NPFFR2: variants seen among roughly 807,000 people sequenced by gnomAD.
NPFFR2 encodes the protein G-protein coupled receptor 74.
NPFFR2 carries 15 observed loss-of-function variants against 13.1 expected under a neutral mutation model. That is an observed-to-expected ratio of 1.15 (90% confidence interval 0.77 to 1.76). NPFFR2 has a LOEUF of 1.76. Ranked by LOEUF, NPFFR2 falls within the 40% of genes most tolerant of loss-of-function variation. NPFFR2 has a pLI of 0.00. For missense variants in NPFFR2, 572 were observed against 503.5 expected (o/e 1.14, Z -1.30); for synonymous variants, 190 against 175.7 (o/e 1.08, Z -0.65).
chr4:72,122,975 T>G (rs191057750), intron 1 of NPFFR2, among the ~76,000 whole-genome samples: 1 of 152,194 alleles, frequency 6.6e-6, no homozygotes, highest in African/African-American at 2.4e-5. Flanking sequence ...CTGGTTTTTT[T>G]GAAAAGATTA....
At chr4:72,124,731 C>G in intron 1 of NPFFR2, among the ~76,000 whole-genome samples, 1 of 152,122 alleles carries the variant, frequency 6.6e-6, no homozygotes, top group East Asian at 1.9e-4. Context: ...ATGTAGAAGG[C>G]TGAAACTGGA....
chr4:72,042,652 T>C lies in NPFFR2; in HGVS notation c.-8+10452T>C, dbSNP rs149759550. On this transcript the variant is annotated intron_variant, in intron 1 of 3. Coordinates refer to ENST00000308744, the MANE Select transcript of NPFFR2 (RefSeq NM_004885.3). ...AACTGGAGCAAAGGTAACTCTTGTATGCTTTAGCAAAGAGTCTGGAGGCAT... is the reference window on the plus strand; with the variant it reads ...AACTGGAGCAAAGGTAACTCTTGTACGCTTTAGCAAAGAGTCTGGAGGCAT... Among the ~76,000 whole-genome samples the C allele has an allele frequency of 5.8e-3, 888 of 152,270 alleles. 5 individuals carry two copies. Among genetic ancestry groups the C allele is most frequent in the African/African-American group, 0.021 (853 of 41,538 alleles).
intron 1 of NPFFR2, among the ~76,000 whole-genome samples, chr4:72,059,933 T>A (rs1315911418): frequency 6.6e-6 from 1 of 152,098 alleles, no homozygotes; most frequent in Admixed American, 6.6e-5. Flanking sequence ...CCTGGTTATT[T>A]TTCCCCCCAG....
chr4:72,068,613 C>T (rs2109781368), intron 1 of NPFFR2, among the ~76,000 whole-genome samples: 1 of 152,216 alleles, frequency 6.6e-6, no homozygotes, highest in East Asian at 1.9e-4. Context: ...CAGACAGTGG[C>T]ATGTCATAGG....
chr4:72,135,624 C>T (rs146876577), intron 2 of NPFFR2, among the ~76,000 whole-genome samples: 5 of 152,078 alleles, frequency 3.3e-5, no homozygotes, highest in South Asian at 2.1e-4. Flanking sequence ...ACATGTTTCA[C>T]GGACAAAGTG....
Position 72,106,424 on chromosome 4 carries a change from G to C in NPFFR2, c.-7-22161G>C, listed in dbSNP as rs1421129954. On this transcript the variant is annotated intron_variant, in intron 1 of 3. Coordinates refer to ENST00000308744, the MANE Select transcript of NPFFR2 (RefSeq NM_004885.3). ...TGAGGTGAATTGTCAGATTTCTCACGGCCAAGGAAAGAGCCAGCAGCAGCC... is the reference window on the plus strand; with the variant it reads ...TGAGGTGAATTGTCAGATTTCTCACCGCCAAGGAAAGAGCCAGCAGCAGCC... Among the ~76,000 whole-genome samples, 10 of 152,108 alleles carry C rather than the reference G, an allele frequency of 6.6e-5. No homozygotes were observed. The South Asian group carries it at 1.7e-3, about 25-fold the overall frequency.
chr4:72,095,031 A>T (rs566042472), intron 1 of NPFFR2, among the ~76,000 whole-genome samples: 2 of 152,378 alleles, frequency 1.3e-5, no homozygotes, highest in East Asian at 3.9e-4. Context: ...ACTAAAAATT[A>T]TAACTAATAA....
chr4:72,040,692 GAACT>G (rs1719183725), intron 1 of NPFFR2, among the ~76,000 whole-genome samples: 2 of 151,912 alleles, frequency 1.3e-5, no homozygotes, highest in East Asian at 1.9e-4. Context: ...TTTACCAAAC[GAACT>G]GTTTGTCTAT....
At chr4:72,036,161 G>A (rs1014306963) in intron 1 of NPFFR2, among the ~76,000 whole-genome samples, 7 of 151,878 alleles carry the variant, frequency 4.6e-5, no homozygotes, top group South Asian at 2.1e-4. Context: ...ATCCCTTTTC[G>A]GTGGATAAAG....
chr4:72,141,792 G>C (rs940079689), intron 3 of NPFFR2, among the ~76,000 whole-genome samples: 6 of 152,328 alleles, frequency 3.9e-5, no homozygotes, highest in African/African-American at 1.4e-4. Context: ...GTTGCGAGCT[G>C]AGTTCAAGTC....
At chr4:72,130,373 A>G (rs999660956) in intron 2 of NPFFR2, among the ~76,000 whole-genome samples, 2 of 152,154 alleles carry the variant, frequency 1.3e-5, no homozygotes, top group African/African-American at 4.8e-5. Flanking sequence ...GATTTCCAAC[A>G]GTTTTTGAGA....
At chr4:72,110,717 C>T (rs1721540394) in intron 1 of NPFFR2, among the ~76,000 whole-genome samples, 1 of 151,960 alleles carries the variant, frequency 6.6e-6, no homozygotes, top group Non-Finnish European at 1.5e-5. Flanking sequence ...GAGGTCTTCA[C>T]TGAACTCTTT....
chr4:72,108,531 A>G (rs1721478380), intron 1 of NPFFR2, among the ~76,000 whole-genome samples: 1 of 151,990 alleles, frequency 6.6e-6, no homozygotes, highest in South Asian at 2.1e-4. Flanking sequence ...GTTTTACTAT[A>G]TTTTAACAAA....
intron 3 of NPFFR2, among the ~76,000 whole-genome samples, chr4:72,139,920 T>C (rs1049181815): frequency 3.9e-5 from 6 of 152,212 alleles, no homozygotes; most frequent in African/African-American, 1.4e-4. Flanking sequence ...GTTTGTGTCC[T>C]CTTTTATTTC....
chr4:72,096,524 T>C (rs965996376), intron 1 of NPFFR2, among the ~76,000 whole-genome samples: 1 of 152,136 alleles, frequency 6.6e-6, no homozygotes, highest in South Asian at 2.1e-4. Context: ...TTGTTAAATA[T>C]ATATATACAA....
intron 1 of NPFFR2, among the ~76,000 whole-genome samples, chr4:72,034,600 T>C (rs7682925): frequency 1.1e-4 from 17 of 152,234 alleles, no homozygotes; most frequent in African/African-American, 3.6e-4. Flanking sequence ...AATATTTATA[T>C]AGTATTTTAA....
intron 1 of NPFFR2, among the ~76,000 whole-genome samples, chr4:72,082,647 TC>T (rs376210554): frequency 1.6e-3 from 250 of 152,310 alleles, no homozygotes; most frequent in African/African-American, 5.6e-3. Flanking sequence ...TAAATCTGCA[TC>T]TTTTTTTGTG....
chr4:72,050,720 G>A (rs1256964582), intron 1 of NPFFR2, among the ~76,000 whole-genome samples: 1 of 151,174 alleles, frequency 6.6e-6, no homozygotes. Context: ...CCACTAACTT[G>A]TCATCTAGCA....
At chr4:72,053,794 T>C (rs1719661010) in intron 1 of NPFFR2, among the ~76,000 whole-genome samples, 1 of 151,912 alleles carries the variant, frequency 6.6e-6, no homozygotes, top group African/African-American at 2.4e-5. Context: ...ATGCACTAGC[T>C]ATATCTCCAG....
Sources: gnomAD v4.1 joint callset for allele counts (sites outside exome capture counted in the v4.1 genomes callset) on GRCh38, gnomAD v4.1.1 for gene constraint, MANE v1.5 for transcripts, NCBI Gene and HGNC (gene_info 2026-07-23, HGNC 2026-07-21) for gene names.